Variants in POM121 observed in about 807,000 individuals in gnomAD.
POM121 encodes the protein nuclear envelope pore membrane protein POM 121.
In POM121, 32 loss-of-function variants were observed where a neutral mutation model predicts 81.3. That is an observed-to-expected ratio of 0.39 (90% CI 0.30 to 0.53). POM121 has a LOEUF of 0.53. POM121 is among the 20% of genes least tolerant of loss of function. POM121 has a pLI of 0.66. For missense variants in POM121, 1,138 were observed against 1,614.6 expected (o/e 0.70, Z 5.06); for synonymous variants, 514 against 694.2 (o/e 0.74, Z 4.08).
At chr7:72,901,135 G>A (rs556750217) in intron 3 of POM121, among the ~76,000 whole-genome samples, 102 of 151,268 alleles carry the variant, frequency 6.7e-4, no homozygotes, top group Non-Finnish European at 1.4e-3. Context: ...ACAGGTATGC[G>A]CCACCATGCC....
chr7:72,946,360 G>A lies in POM121; in HGVS notation c.*126G>A, dbSNP rs1348613299. On this transcript the variant is annotated 3_prime_UTR_variant, in exon 13 of 13. Coordinates refer to ENST00000434423, the MANE Select transcript of POM121 (RefSeq NM_001387691.1). ...CTACCCCGGATCTCTGGCTTCAGCC[G>A]CCAGGGGGCAGTGGCAGCCCTGGGG... 3 of 1,438,704 alleles carry A rather than the reference G, an allele frequency of 2.1e-6. No individual in the cohort carries two copies. Among genetic ancestry groups the A allele is most frequent in the East Asian group, 2.6e-5 (1 of 38,362 alleles). 89.1% of individuals were successfully genotyped at this position (1,438,704 alleles called of 1,614,324 possible).
chr7:72,945,287 G>A (rs569029986), intron 11 of POM121, among the ~76,000 whole-genome samples: 1 of 151,938 alleles, frequency 6.6e-6, no homozygotes, highest in Non-Finnish European at 1.5e-5. Context: ...GGAGGCGGGG[G>A]CCCCAGAGTA....
chr7:72,904,739 G>C (rs1362542550), intron 3 of POM121, among the ~76,000 whole-genome samples: 3 of 152,192 alleles, frequency 2.0e-5, no homozygotes, highest in African/African-American at 7.2e-5. Context: ...AGAATTGCCT[G>C]AGCCTGGGTA....
At chr7:72,915,949 C>G (rs1419238485) in intron 4 of POM121, among the ~76,000 whole-genome samples, 1 of 152,228 alleles carries the variant, frequency 6.6e-6, no homozygotes, top group African/African-American at 2.4e-5. Context: ...GGATTACAGG[C>G]GTGAGCCACC....
chr7:72,930,479 C>G (rs1437590318), intron 5 of POM121, among the ~76,000 whole-genome samples: 3 of 152,190 alleles, frequency 2.0e-5, no homozygotes, highest in African/African-American at 7.2e-5. Context: ...TGTGTGCGAG[C>G]TGATTCGAGA....
chr7:72,879,708 C>T (rs1185916431), exon 1 of POM121: 20 of 446,982 alleles, frequency 4.5e-5, no homozygotes, highest in African/African-American at 2.0e-5. Flanking sequence ...GGATCTGGGC[C>T]CCGAGAAGGA....
chr7:72,913,163 G>C (rs1203730330), intron 3 of POM121, among the ~76,000 whole-genome samples: 3 of 152,202 alleles, frequency 2.0e-5, no homozygotes, highest in African/African-American at 7.2e-5. Context: ...GTATAAAATG[G>C]GAGAAAATCA....
Position 72,910,731 on chromosome 7 carries a change from G to A in POM121, c.-215-3034G>A, listed in dbSNP as rs540347642. Reference sequence around the variant, plus strand: ...GAGTAGGGTGTGTGTAGTCAAAAGGGCACTGTCCCGCAGGGCCGCCCTCTT... The same window carrying A: ...GAGTAGGGTGTGTGTAGTCAAAAGGACACTGTCCCGCAGGGCCGCCCTCTT... On this transcript the variant is annotated intron_variant, in intron 3 of 15. Coordinates refer to the POM121 transcript ENST00000395270. Among the ~76,000 whole-genome samples, 685 of 152,074 alleles carry A rather than the reference G, an allele frequency of 4.5e-3. 8 individuals are homozygous for A. The highest frequency in any genetic ancestry group is 0.014 in the African/African-American group (596 of 41,502).
downstream of POM121, chr7:72,950,223 C>A: frequency 6.2e-7 from 1 of 1,608,050 alleles, no homozygotes; most frequent in South Asian, 1.1e-5. Flanking sequence ...ATTCATTCAT[C>A]ATTTCCTGAA....
chr7:72,906,163 T>C (rs1416730405), intron 3 of POM121, among the ~76,000 whole-genome samples: 2 of 152,216 alleles, frequency 1.3e-5, no homozygotes, highest in African/African-American at 4.8e-5. Context: ...TTTCCTTAAA[T>C]AGGGGGCTTT....
chr7:72,882,202 G>A (rs193027711), intron 1 of POM121, among the ~76,000 whole-genome samples: 1 of 152,254 alleles, frequency 6.6e-6, no homozygotes, highest in Admixed American at 6.5e-5. Flanking sequence ...ATTGGCTCAC[G>A]TCTGCAGGCT....
chr7:72,892,364 A>G (rs1791383134), intron 3 of POM121, among the ~76,000 whole-genome samples: 1 of 152,210 alleles, frequency 6.6e-6, no homozygotes, highest in Admixed American at 6.5e-5. Flanking sequence ...TAAACTGTGC[A>G]TGTTCCAAAA....
At position 72,926,490 on chromosome 7, in the gene POM121, G is replaced by T. The variant is rs781879074; in HGVS notation, c.860+13G>T. Reference sequence around the variant, plus strand: ...CGCGTTCTGCGATGTGAGTATTATCGTTGGAAGAATACTCTCCCTTTTCGT... The same window carrying T: ...CGCGTTCTGCGATGTGAGTATTATCTTTGGAAGAATACTCTCCCTTTTCGT... On this transcript the variant is annotated intron_variant, in intron 2 of 12. Coordinates refer to ENST00000434423, the MANE Select transcript of POM121 (RefSeq NM_001387691.1). 42 of 1,613,594 alleles carry T rather than the reference G, an allele frequency of 2.6e-5. No homozygotes were observed. In the South Asian group the frequency reaches 4.1e-4, roughly 16 times the overall value.
At chr7:72,921,755 G>A (rs1455002701), upstream of POM121, among the ~76,000 whole-genome samples, 2 of 152,124 alleles carry the variant, frequency 1.3e-5, no homozygotes, top group Non-Finnish European at 2.9e-5. Context: ...GTTTATGGTA[G>A]GAGGACTAAC....
chr7:72,879,751 C>T (rs1554488984), exon 1 of POM121: 7 of 481,120 alleles, frequency 1.5e-5, no homozygotes, highest in Admixed American at 4.4e-5. Context: ...AGGCCCGGCC[C>T]GGGCCCCTCG....
chr7:72,943,685 A>G (rs1192120467), intron 11 of POM121, among the ~76,000 whole-genome samples, 163 bp downstream of exon 11: 9 of 151,674 alleles, frequency 5.9e-5, no homozygotes, highest in African/African-American at 2.2e-4. Flanking sequence ...CTAACGTAGT[A>G]ATGACTGGAG....
upstream of POM121, among the ~76,000 whole-genome samples, chr7:72,923,749 G>A (rs1795065503): frequency 6.8e-6 from 1 of 147,330 alleles, no homozygotes; most frequent in African/African-American, 2.5e-5. Flanking sequence ...ACAGGCGCCC[G>A]CCACTACGCC....
Position 72,927,090 on chromosome 7 carries a change from G to A in POM121, c.1022+127G>A. The A allele has an allele frequency of 2.7e-6, 4 of 1,467,156 alleles. 1 individual carries two copies. The South Asian group carries it at 3.7e-5, about 14-fold the overall frequency. 90.9% of individuals were successfully genotyped at this position (1,467,156 alleles called of 1,614,324 possible). A position where few individuals can be genotyped will look rare whatever the true frequency, so the allele number is the denominator to read the frequency against. On this transcript the variant is annotated intron_variant, in intron 3 of 12. Transcript: ENST00000434423. Reference sequence around the variant, plus strand: ...GAGCCTTCGTAGGCCCCCTTCTTTGGCTTACATGGAGGAATCTAATAACAA... The same window carrying A: ...GAGCCTTCGTAGGCCCCCTTCTTTGACTTACATGGAGGAATCTAATAACAA...
At chr7:72,894,304 ATGGTGGCTCACGCCT>A (rs1791632349) in intron 3 of POM121, among the ~76,000 whole-genome samples, 1 of 152,082 alleles carries the variant, frequency 6.6e-6, no homozygotes, top group Non-Finnish European at 1.5e-5. Context: ...TAGGCCAGGC[ATGGTGGCTCACGCCT>A]GTAATCCCAG....
Sources: gnomAD v4.1 joint callset for allele counts (sites outside exome capture counted in the v4.1 genomes callset) on GRCh38, gnomAD v4.1.1 for gene constraint, MANE v1.5 for transcripts, NCBI Gene and HGNC (gene_info 2026-07-23, HGNC 2026-07-21) for gene names.